The following MLLT3 variants were observed in gnomAD, a reference collection of about 807,000 sequenced individuals.
The protein encoded by MLLT3 is protein AF-9.
Under a neutral mutation model 53.2 loss-of-function variants are expected in MLLT3, and 4 were observed. That is an observed-to-expected ratio of 0.08 (90% confidence interval 0.04 to 0.17). The LOEUF is 0.17. Among genes scored for constraint, MLLT3 ranks in the 10% least tolerant of loss-of-function variants. The pLI is 1.00. For synonymous variants in MLLT3, 283 were observed against 230.6 expected (o/e 1.23, Z -2.06); for missense variants, 569 against 684.0 (o/e 0.83, Z 1.87).
chr9:20,376,123 C>T (rs995740166), intron 5 of MLLT3, among the ~76,000 whole-genome samples: 1 of 152,132 alleles, frequency 6.6e-6, no homozygotes, highest in African/African-American at 2.4e-5. Flanking sequence ...TTTAAATAAG[C>T]TGTTAACAGC....
chr9:20,447,670 G>T (rs1390371731), intron 4 of MLLT3, among the ~76,000 whole-genome samples: 3 of 152,098 alleles, frequency 2.0e-5, no homozygotes, highest in Non-Finnish European at 2.9e-5. Context: ...CTATTTAAAT[G>T]ACCCAAACAT....
chr9:20,502,457 T>C (rs911056156), intron 2 of MLLT3: 1 of 152,426 alleles, frequency 6.6e-6, no homozygotes, highest in African/African-American at 2.4e-5. Context: ...CGTGATCTTA[T>C]ACAGTTGCTT....
At chr9:20,543,699 A>T (rs1818705810) in intron 2 of MLLT3, among the ~76,000 whole-genome samples, 1 of 151,654 alleles carries the variant, frequency 6.6e-6, no homozygotes, top group East Asian at 1.9e-4. Context: ...GAAGAGGAAG[A>T]GGAAGAGGAG....
At chr9:20,606,313 T>C (rs1485616575) in intron 2 of MLLT3, among the ~76,000 whole-genome samples, 1 of 151,496 alleles carries the variant, frequency 6.6e-6, no homozygotes, top group Non-Finnish European at 1.5e-5. Context: ...TATTGAGGGA[T>C]TGCAGGAGGT....
chr9:20,615,092 T>G (rs1378535562), intron 2 of MLLT3, among the ~76,000 whole-genome samples: 1 of 151,946 alleles, frequency 6.6e-6, no homozygotes, highest in African/African-American at 2.4e-5. Context: ...GCCTGTAATC[T>G]CAGCAATTTG....
chr9:20,621,748 C>T lies in MLLT3; in HGVS notation c.12+497G>A. The T allele has an allele frequency of 6.7e-7, 1 of 1,490,288 alleles. No individual in the cohort carries two copies. The highest frequency in any genetic ancestry group is 1.3e-5 in the South Asian group (1 of 79,798). 92.3% of individuals were successfully genotyped at this position (1,490,288 alleles called of 1,614,324 possible). On this transcript the variant is annotated intron_variant, in intron 1 of 10. Transcript: ENST00000380338. The surrounding 1 kb of genome is among the most constrained non-coding windows in gnomAD (Gnocchi z 7.0). ...TGTCAGCCCCGCACACTTCGGCTCA[C>T]ACACGCGCGCCGCGGAGAACGCACC... is the stretch of plus-strand genomic sequence containing the variant.
intron 5 of MLLT3, among the ~76,000 whole-genome samples, chr9:20,412,580 C>T (rs984525300): frequency 1.3e-5 from 2 of 152,148 alleles, no homozygotes; most frequent in African/African-American, 4.8e-5. Context: ...ACTATGCCCT[C>T]CTAGCCTTTG....
chr9:20,425,796 T>C (rs1435199755), intron 4 of MLLT3, among the ~76,000 whole-genome samples: 1 of 152,024 alleles, frequency 6.6e-6, no homozygotes, highest in African/African-American at 2.4e-5. Flanking sequence ...TTATTTCAAC[T>C]ATGAAGAGAA....
At chr9:20,449,471 G>A (rs533663351) in intron 3 of MLLT3, among the ~76,000 whole-genome samples, 6 of 152,238 alleles carry the variant, frequency 3.9e-5, no homozygotes, top group East Asian at 3.9e-4. Flanking sequence ...CTTTAGCCAC[G>A]CAAGGTGAAA....
At chr9:20,474,981 G>C (rs1824484890) in intron 2 of MLLT3, among the ~76,000 whole-genome samples, 1 of 152,040 alleles carries the variant, frequency 6.6e-6, no homozygotes, top group African/African-American at 2.4e-5. Flanking sequence ...CCAACAAAGA[G>C]CTGTCAGCCT....
Position 20,621,257 on chromosome 9 carries a change from C to A in MLLT3, c.13-423G>T, listed in dbSNP as rs1228071061. Reference sequence around the variant, plus strand: ...GGGGACCGAAGGGCTCCTGGCGAGCCCCCTCCCCGAAAGTACCGCGGCGAC... The same window carrying A: ...GGGGACCGAAGGGCTCCTGGCGAGCACCCTCCCCGAAAGTACCGCGGCGAC... On this transcript the variant is annotated intron_variant, in intron 1 of 10. Coordinates refer to ENST00000380338, the MANE Select transcript of MLLT3 (RefSeq NM_004529.4). This position sits in a 1 kb window ranked among gnomAD's most constrained non-coding sequence, Gnocchi z 7.0. Among the ~76,000 whole-genome samples, 1 of 152,150 alleles carries A rather than the reference C, an allele frequency of 6.6e-6. No individual in the cohort carries two copies. The highest frequency in any genetic ancestry group is 3.2e-3 in the Middle Eastern group (1 of 316).
chr9:20,573,777 T>A (rs1190775278), intron 2 of MLLT3, among the ~76,000 whole-genome samples: 1 of 152,188 alleles, frequency 6.6e-6, no homozygotes, highest in Admixed American at 6.5e-5. Flanking sequence ...AGTAACTAAT[T>A]ATTGAGCTGT....
At chr9:20,379,275 C>A (rs567301416) in intron 5 of MLLT3, among the ~76,000 whole-genome samples, 6 of 152,164 alleles carry the variant, frequency 3.9e-5, no homozygotes, top group South Asian at 4.1e-4. Flanking sequence ...TGATAAAATT[C>A]TCTAACTTGA....
intron 2 of MLLT3, among the ~76,000 whole-genome samples, chr9:20,461,504 C>A (rs113550546): frequency 4.0e-5 from 6 of 151,878 alleles, no homozygotes; most frequent in African/African-American, 1.5e-4. Context: ...AAAGATTTGA[C>A]GAAGAGCTAT....
chr9:20,501,759 A>G (rs1441856713), intron 2 of MLLT3, among the ~76,000 whole-genome samples: 5 of 115,088 alleles, frequency 4.3e-5, no homozygotes, highest in Non-Finnish European at 7.4e-5. Flanking sequence ...CTCCGTCTCA[A>G]AAAAAAAAAA....
chr9:20,442,822 C>T (rs1441430624), intron 4 of MLLT3, among the ~76,000 whole-genome samples: 1 of 152,154 alleles, frequency 6.6e-6, no homozygotes, highest in Non-Finnish European at 1.5e-5. Flanking sequence ...AACTGTCACT[C>T]TCAGAAACAG....
chr9:20,391,167 C>T (rs1026045084), intron 5 of MLLT3, among the ~76,000 whole-genome samples: 1 of 152,134 alleles, frequency 6.6e-6, no homozygotes, highest in African/African-American at 2.4e-5. Flanking sequence ...TACCAACTCC[C>T]CTGGGGAATT....
chr9:20,469,048 C>G (rs561881856), intron 2 of MLLT3, among the ~76,000 whole-genome samples: 19 of 152,056 alleles, frequency 1.2e-4, no homozygotes, highest in Admixed American at 2.0e-4. Flanking sequence ...ACAGGAAATA[C>G]TAAATATAAA....
intron 2 of MLLT3, among the ~76,000 whole-genome samples, chr9:20,552,586 T>C (rs4977428): frequency 0.58 from 88,760 of 151,798 alleles, 27,538 homozygotes; most frequent in Middle Eastern, 0.69. Context: ...ACAGAACCTA[T>C]GAGCCCAGTG....
Sources: gnomAD v4.1 joint callset for allele counts (sites outside exome capture counted in the v4.1 genomes callset) on GRCh38, gnomAD v4.1.1 for gene constraint, Gnocchi (gnomAD v3.1) non-coding constraint, MANE v1.5 for transcripts, NCBI Gene and HGNC (gene_info 2026-07-23, HGNC 2026-07-21) for gene names.